PSKH2: variants seen among roughly 807,000 people sequenced by gnomAD.
PSKH2 encodes the protein protein serine kinase H2, also known as serine/threonine-protein kinase H2.
In PSKH2, 16 loss-of-function variants were observed where a neutral mutation model predicts 22.5. The observed-to-expected ratio is 0.71, with a 90% CI of 0.48 to 1.08. The LOEUF (loss-of-function observed/expected upper bound fraction) is 1.08. Ranked by LOEUF, PSKH2 falls within the 50% of genes least tolerant of loss-of-function variation. The pLI is 0.00. For synonymous variants in PSKH2, 188 were observed against 184.8 expected (o/e 1.02, Z -0.14); for missense variants, 516 against 492.8 (o/e 1.05, Z -0.44).
At chr8:86,052,476 G>A (rs755941000) in intron 2 of PSKH2, among the ~76,000 whole-genome samples, 16 of 152,208 alleles carry the variant, frequency 1.1e-4, no homozygotes, top group Admixed American at 2.6e-4. Context: ...TCAGAAAAAT[G>A]GGGATCATCA....
At chr8:86,056,703 T>C (rs1817701218) in intron 2 of PSKH2, among the ~76,000 whole-genome samples, 1 of 152,230 alleles carries the variant, frequency 6.6e-6, no homozygotes, top group African/African-American at 2.4e-5. Flanking sequence ...TATACTAGCA[T>C]ATGAAAATAG....
intron 2 of PSKH2, among the ~76,000 whole-genome samples, chr8:86,055,056 T>C (rs1817682069): frequency 6.6e-6 from 1 of 152,200 alleles, no homozygotes; most frequent in Non-Finnish European, 1.5e-5. Flanking sequence ...TTATTATTCA[T>C]AACTGGTGCT....
chr8:86,056,929 G>GT (rs1817705114), intron 2 of PSKH2, among the ~76,000 whole-genome samples: 1 of 136,648 alleles, frequency 7.3e-6, no homozygotes, highest in Non-Finnish European at 1.6e-5. Context: ...TGGTTTGTTT[G>GT]TTGTTGTTGT....
chr8:86,068,838 A>C (rs1817903140), intron 1 of PSKH2, among the ~76,000 whole-genome samples: 4 of 146,300 alleles, frequency 2.7e-5, no homozygotes, highest in African/African-American at 1.0e-4. Context: ...TCACACCCCC[A>C]CCCCCCACCT....
upstream of PSKH2, chr8:86,069,767 C>G: frequency 1.2e-6 from 1 of 865,698 alleles, no homozygotes. Context: ...GGGAGACAGC[C>G]CCCAGGATAC....
intron 2 of PSKH2, among the ~76,000 whole-genome samples, chr8:86,051,574 G>A (rs779170211): frequency 3.9e-5 from 6 of 152,126 alleles, no homozygotes; most frequent in African/African-American, 7.2e-5. Flanking sequence ...TCTAGAAAAA[G>A]CACATCAGTG....
rs566402226 is a variant in PSKH2 at position 86,055,745 on chromosome 8, A to T, written c.853-6978T>A. ...TCCTTTTTTCCTACTTAATAACCTGAATGGAGAACAAGAGAATAAGAGAAG... is the reference window on the plus strand; with the variant it reads ...TCCTTTTTTCCTACTTAATAACCTGTATGGAGAACAAGAGAATAAGAGAAG... On this transcript the variant is annotated intron_variant, in intron 2 of 2. Coordinates refer to ENST00000276616, the MANE Select transcript of PSKH2 (RefSeq NM_033126.3). Among the ~76,000 whole-genome samples the T allele has an allele frequency of 3.9e-5, 6 of 152,308 alleles. No individual in the cohort carries two copies. In the South Asian group the frequency reaches 1.2e-3, roughly 32 times the overall value.
intron 1 of PSKH2, among the ~76,000 whole-genome samples, chr8:86,066,829 T>A (rs989906640): frequency 8.5e-5 from 13 of 152,174 alleles, no homozygotes; most frequent in African/African-American, 2.9e-4. Flanking sequence ...CAGATAGCAA[T>A]TTAGTAATCT....
intron 1 of PSKH2, among the ~76,000 whole-genome samples, chr8:86,069,156 A>G (rs1238226083): frequency 6.6e-6 from 1 of 152,074 alleles, no homozygotes; most frequent in Non-Finnish European, 1.5e-5. Context: ...GCCCTTATGG[A>G]AGTTAGGCTC....
At chr8:86,067,593 C>T (rs1053349458) in intron 1 of PSKH2, among the ~76,000 whole-genome samples, 3 of 151,492 alleles carry the variant, frequency 2.0e-5, no homozygotes, top group East Asian at 2.0e-4. Flanking sequence ...CCAGAGACTA[C>T]GTAAATTGGA....
rs1468272705 is a variant in PSKH2, at chr8:86,069,533, T to A, written c.90A>T (p.Gly30=). 1 of 1,609,078 alleles carries A rather than the reference T, an allele frequency of 6.2e-7. No homozygotes were observed. Among genetic ancestry groups the A allele is most frequent in the Non-Finnish European group, 8.5e-7 (1 of 1,178,518 alleles). ...CCGCCTCGGGCCCAGGCCCCGCGCC[T>A]CCGACGCCGGCTTGGTTTTGACCTT... ...KHEGQNQAGV[G]GAGPGPEAAA... is the part of the protein sequence containing the mutation. Residue 30 remains glycine, a synonymous_variant, in exon 1 of 3, where the codon GGA becomes GGT. Coordinates refer to ENST00000276616, the MANE Select transcript of PSKH2 (RefSeq NM_033126.3).
intron 2 of PSKH2, among the ~76,000 whole-genome samples, chr8:86,052,020 T>G (rs747509738): frequency 6.6e-6 from 1 of 152,204 alleles, no homozygotes; most frequent in Non-Finnish European, 1.5e-5. Flanking sequence ...CTAAAATTGA[T>G]TTTCATCTAT....
chr8:86,053,284 G>C (rs1817658499), intron 2 of PSKH2, among the ~76,000 whole-genome samples: 1 of 152,028 alleles, frequency 6.6e-6, no homozygotes, highest in Non-Finnish European at 1.5e-5. Context: ...TCCCCAGCTT[G>C]CCACTTGCTG....
chr8:86,048,647 C>A lies in PSKH2; in HGVS notation c.973G>T (p.Ala325Ser), dbSNP rs148792607. The change falls in exon 3 of 3, where the codon GCA becomes TCA. Residue 325 changes from alanine (A) to serine (S), a missense_variant. By Grantham distance (99) the Ala-to-Ser change is moderately conservative. Coordinates refer to ENST00000276616, the MANE Select transcript of PSKH2 (RefSeq NM_033126.3). ...LDHPWVITMA[A>S]GSSMKNLQRA... ...TGGAGATTCTTCATGGAAGACCCTGCAGCCATGGTGATCACCCAGGGATGG... is the reference window on the plus strand; with the variant it reads ...TGGAGATTCTTCATGGAAGACCCTGAAGCCATGGTGATCACCCAGGGATGG... 8.4e-5 allele frequency: 135 copies of A among 1,614,122 alleles called. 1 individual carries two copies. The African/African-American group carries it at 1.7e-3, about 20-fold the overall frequency.
At chr8:86,056,697 C>T (rs922447429) in intron 2 of PSKH2, among the ~76,000 whole-genome samples, 2 of 152,152 alleles carry the variant, frequency 1.3e-5, no homozygotes, top group Non-Finnish European at 2.9e-5. Context: ...TCTGTATATA[C>T]TAGCATATGA....
rs1817549428 is a variant in PSKH2 at position 86,047,878 on chromosome 8, T to C, written c.*584A>G. On this transcript the variant is annotated 3_prime_UTR_variant, in exon 3 of 3. Transcript: ENST00000276616. ...ATTTTATGATTCTTAAAAATCTCTA[T>C]TTTTCCCGTGAATAATGCCCCAATT... Among the ~76,000 whole-genome samples, 1 of 152,144 alleles carries C rather than the reference T, an allele frequency of 6.6e-6. No individual in the cohort carries two copies. Among genetic ancestry groups the C allele is most frequent in the South Asian group, 2.1e-4 (1 of 4,834 alleles).
rs771205091 is a variant in PSKH2 at position 86,048,583 on chromosome 8, G to C, written c.1037C>G (p.Pro346Arg). ...TGCAGATCCAGGACTCTGAGAGTGG[G>C]GAGAGGCCCTCTGCATGAGGTTTCG... Reference protein sequence around the residue: ...ISRNLMQRASPHSQSPGSAQS... With the variant: ...ISRNLMQRASRHSQSPGSAQS... Residue 346 changes from proline to arginine, a missense_variant, in exon 3 of 3, where the codon CCC becomes CGC. Coordinates refer to ENST00000276616, the MANE Select transcript of PSKH2 (RefSeq NM_033126.3). 6.2e-7 allele frequency: 1 copy of C among 1,614,092 alleles called. No individual in the cohort carries two copies. Among genetic ancestry groups the C allele is most frequent in the Non-Finnish European group, 8.5e-7 (1 of 1,180,006 alleles).
intron 2 of PSKH2, among the ~76,000 whole-genome samples, chr8:86,049,149 T>A (rs1468910541): frequency 1.3e-5 from 2 of 152,210 alleles, no homozygotes; most frequent in Non-Finnish European, 2.9e-5. Context: ...CAACATCAGG[T>A]CAGTGTTTGC....
intron 2 of PSKH2, among the ~76,000 whole-genome samples, chr8:86,052,566 G>T (rs1300634164): frequency 3.3e-5 from 5 of 152,152 alleles, no homozygotes; most frequent in Non-Finnish European, 5.9e-5. Context: ...AAATATTGTT[G>T]CTGTTGTTCT....
Sources: allele counts gnomAD v4.1 joint callset (sites outside exome capture counted in the v4.1 genomes callset), GRCh38; gene constraint gnomAD v4.1.1; transcripts MANE v1.5; gene names NCBI Gene and HGNC (gene_info 2026-07-23, HGNC 2026-07-21).